The following PHACTR3 variants were observed in gnomAD, a reference collection of about 807,000 sequenced individuals.
The protein encoded by PHACTR3 is phosphatase and actin regulator 3.
PHACTR3 carries 16 observed loss-of-function variants against 66.8 expected under a neutral mutation model. That is an observed-to-expected ratio of 0.24 (90% CI 0.16 to 0.36). PHACTR3 has a LOEUF of 0.36. Ranked by LOEUF, PHACTR3 falls within the 10% of genes least tolerant of loss-of-function variation. The pLI is 1.00. For missense variants in PHACTR3, 647 were observed against 719.9 expected (o/e 0.90, Z 1.16); for synonymous variants, 323 against 292.1 (o/e 1.11, Z -1.08).
At position 59,820,843 on chromosome 20, in the gene PHACTR3, C is replaced by G. The variant is rs2042012041; in HGVS notation, c.1328+14649C>G. ...ACCAGGGAGCAGGTGGTTTGGTGGA[C>G]TTGGAGGCTGCCTGGCTGAGAGCCA... On this transcript the variant is annotated intron_variant, in intron 8 of 12. Transcript: ENST00000371015. This position sits in a 1 kb window ranked among gnomAD's most constrained non-coding sequence, Gnocchi z 4.6. Among the ~76,000 whole-genome samples the G allele has an allele frequency of 6.6e-6, 1 of 152,184 alleles. No homozygotes were observed. The highest frequency in any genetic ancestry group is 2.4e-5 in the African/African-American group (1 of 41,444).
At chr20:59,806,287 G>T in intron 8 of PHACTR3, 93 bp downstream of exon 8, 1 of 1,494,572 alleles carries the variant, frequency 6.7e-7, no homozygotes, top group Non-Finnish European at 9.0e-7. Context: ...TGCCAGGCCG[G>T]GACGCACAAC....
At chr20:59,782,993 T>C (rs1040080989) in intron 7 of PHACTR3, among the ~76,000 whole-genome samples, 10 of 152,164 alleles carry the variant, frequency 6.6e-5, no homozygotes, top group African/African-American at 2.4e-4. Flanking sequence ...GTAGACATAC[T>C]TGTAAAAAGT....
upstream of PHACTR3, among the ~76,000 whole-genome samples, chr20:59,604,300 G>A (rs1338640485): frequency 6.6e-6 from 1 of 152,128 alleles, no homozygotes; most frequent in Non-Finnish European, 1.5e-5. Flanking sequence ...TCCTCCGGGA[G>A]GGGAGGAAAC....
rs1474977424 is a variant in PHACTR3, at chr20:59,809,559, ATCCT to A, written c.1328+3369_1328+3372del. Among the ~76,000 whole-genome samples the A allele has an allele frequency of 2.6e-5, 4 of 152,158 alleles. No individual in the cohort carries two copies. In the East Asian group the frequency reaches 7.7e-4, roughly 29 times the overall value. On this transcript the variant is annotated intron_variant, in intron 8 of 12. Coordinates refer to ENST00000371015, the MANE Select transcript of PHACTR3 (RefSeq NM_080672.5). Reference sequence around the variant, plus strand: ...TTTACTTTTGAAGATGTAGCTTCTAATCCTTCCCCATTTTGAGTTACATGATTCT... The same window carrying A: ...TTTACTTTTGAAGATGTAGCTTCTAATCCCCATTTTGAGTTACATGATTCT...
chr20:59,587,449 A>C (rs2033065973), intron 1 of PHACTR3, among the ~76,000 whole-genome samples: 1 of 152,206 alleles, frequency 6.6e-6, no homozygotes, highest in Admixed American at 6.5e-5. Context: ...TCTGAAACCC[A>C]GTGTTCATGG....
At chr20:59,600,370 G>A (rs938946086), upstream of PHACTR3, among the ~76,000 whole-genome samples, 16 of 152,208 alleles carry the variant, frequency 1.1e-4, no homozygotes, top group Non-Finnish European at 1.8e-4. Context: ...CTCATTCATG[G>A]TGGTATTCCT....
At chr20:59,763,761 G>A (rs1476404111) in intron 4 of PHACTR3, among the ~76,000 whole-genome samples, 1 of 152,198 alleles carries the variant, frequency 6.6e-6, no homozygotes, top group Admixed American at 6.5e-5. Flanking sequence ...AGATGCAGGA[G>A]GTGGGACCTG....
chr20:59,707,002 C>T (rs1056963074), intron 1 of PHACTR3, among the ~76,000 whole-genome samples: 3 of 152,180 alleles, frequency 2.0e-5, no homozygotes, highest in Admixed American at 6.5e-5. Flanking sequence ...AATTTATTTG[C>T]ATAAAGAATC....
At chr20:59,816,084 C>T (rs1029383910) in intron 8 of PHACTR3, among the ~76,000 whole-genome samples, 4 of 151,840 alleles carry the variant, frequency 2.6e-5, no homozygotes, top group Admixed American at 6.6e-5. Context: ...AATATAGAAT[C>T]AGTGGGAGCC....
At chr20:59,719,534 A>G (rs1223895822) in intron 1 of PHACTR3, among the ~76,000 whole-genome samples, 2 of 152,060 alleles carry the variant, frequency 1.3e-5, no homozygotes, top group Non-Finnish European at 2.9e-5. Context: ...ATTTGCCAGA[A>G]CCTGAAGGGT....
upstream of PHACTR3, among the ~76,000 whole-genome samples, chr20:59,602,205 C>T (rs1357006187): frequency 6.6e-6 from 1 of 152,122 alleles, no homozygotes; most frequent in Non-Finnish European, 1.5e-5. Context: ...TGAGTTAGTG[C>T]CGTGGTCCCC....
intron 4 of PHACTR3, among the ~76,000 whole-genome samples, chr20:59,764,223 G>A (rs182735132): frequency 3.2e-4 from 48 of 150,204 alleles, no homozygotes; most frequent in African/African-American, 1.1e-3. Context: ...CAGAAGTGAG[G>A]ACACTGACCC....
At chr20:59,641,135 TTATC>T (rs1228156486) in intron 1 of PHACTR3, among the ~76,000 whole-genome samples, 2 of 152,114 alleles carry the variant, frequency 1.3e-5, no homozygotes, top group Admixed American at 6.5e-5. Context: ...ATTCATCTAT[TTATC>T]TATCTACCAA....
At position 59,805,822 on chromosome 20, in the gene PHACTR3, G is replaced by A. The variant is rs372710389; in HGVS notation, c.1175-219G>A. ...GAAACCCATGAGTAGGGGGCTTAGC[G>A]GACAGAGATGGTGACATCACCTTAC... On this transcript the variant is annotated intron_variant, in intron 7 of 12. Coordinates refer to ENST00000371015, the MANE Select transcript of PHACTR3 (RefSeq NM_080672.5). 2.8e-4 allele frequency among the ~76,000 whole-genome samples: 42 copies of A among 152,320 alleles called. No homozygotes were observed. The East Asian group carries it at 4.8e-3, about 17-fold the overall frequency.
intron 7 of PHACTR3, among the ~76,000 whole-genome samples, chr20:59,797,145 T>G (rs753066711): frequency 1.3e-5 from 2 of 152,188 alleles, no homozygotes; most frequent in Non-Finnish European, 2.9e-5. Context: ...AAAAATTATT[T>G]ATTGAATTCT....
chr20:59,833,873 C>T lies in PHACTR3; in HGVS notation c.1329-2632C>T, dbSNP rs533061608. On this transcript the variant is annotated intron_variant, in intron 8 of 12. Coordinates refer to ENST00000371015, the MANE Select transcript of PHACTR3 (RefSeq NM_080672.5). ...GAAGGGGCTGCTGGAAAGAGGCAGG[C>T]GCTGGAGGGAAGTTTTATAGGGTTG... is the stretch of plus-strand genomic sequence containing the variant. Among the ~76,000 whole-genome samples the T allele has an allele frequency of 1.4e-4, 21 of 152,190 alleles. No individual in the cohort carries two copies. The South Asian group carries it at 3.3e-3, about 24-fold the overall frequency.
intron 1 of PHACTR3, among the ~76,000 whole-genome samples, chr20:59,706,535 C>T (rs2037706841): frequency 6.6e-6 from 1 of 152,242 alleles, no homozygotes; most frequent in Non-Finnish European, 1.5e-5. Flanking sequence ...ACAGACCATG[C>T]ATTCCCAGCT....
intron 1 of PHACTR3, among the ~76,000 whole-genome samples, chr20:59,667,445 T>G (rs2146494697): frequency 6.6e-6 from 1 of 152,352 alleles, no homozygotes; most frequent in East Asian, 1.9e-4. Context: ...TGCCTTTTCA[T>G]GCATGTGACT....
intron 1 of PHACTR3, among the ~76,000 whole-genome samples, chr20:59,664,265 A>G (rs2035913662): frequency 6.6e-6 from 1 of 152,178 alleles, no homozygotes; most frequent in East Asian, 1.9e-4. Flanking sequence ...TATTGGATAC[A>G]TAGTTGTTAT....
Sources: gnomAD v4.1 joint callset for allele counts (sites outside exome capture counted in the v4.1 genomes callset) on GRCh38, gnomAD v4.1.1 for gene constraint, Gnocchi (gnomAD v3.1) non-coding constraint, MANE v1.5 for transcripts, NCBI Gene and HGNC (gene_info 2026-07-23, HGNC 2026-07-21) for gene names.